KIF6: variants seen among roughly 807,000 people sequenced by gnomAD.
KIF6 encodes kinesin family member 6.
KIF6 carries 106 observed loss-of-function variants against 112.7 expected under a neutral mutation model. That is an observed-to-expected ratio of 0.94 (90% CI 0.80 to 1.11). The LOEUF (loss-of-function observed/expected upper bound fraction) is 1.11, where lower values mean the gene tolerates loss of function less well. Ranked by LOEUF, KIF6 falls within the 50% of genes least tolerant of loss-of-function variation. The pLI, the probability that KIF6 is intolerant of heterozygous loss-of-function variation, is 0.00. For synonymous variants in KIF6, 339 were observed against 339.9 expected (o/e 1.00, Z 0.03); for missense variants, 929 against 964.0 (o/e 0.96, Z 0.48).
Position 39,343,563 on chromosome 6 carries a change from GGGCACATGTGACT to G in KIF6, c.2428+133_2428+145del. The G allele has an allele frequency of 7.9e-7, 1 of 1,270,090 alleles. No homozygotes were observed. The highest frequency in any genetic ancestry group is 1.1e-6 in the Non-Finnish European group (1 of 924,288). The allele number at this position is 1,270,090 out of a possible 1,614,324, so 78.7% of individuals were successfully genotyped here. On this transcript the variant is annotated intron_variant, in intron 22 of 22. Coordinates refer to ENST00000287152, the MANE Select transcript of KIF6 (RefSeq NM_145027.6). This position sits in a 1 kb window ranked among gnomAD's most constrained non-coding sequence, Gnocchi z 4.1. The stretch of plus-strand genomic sequence containing the variant: ...CTTTCTCGAGAAGGAATCAGAGGCT[GGGCACATGTGACT>G]GACAGGCAGGCCAGTCCTGTGGCTT...
At position 39,609,487 on chromosome 6, in the gene KIF6, CA is replaced by C. The variant is rs1783088548; in HGVS notation, c.639+3701del. ...CACAGTATTCACTTCCTACAGCTGC[CA>C]GTACACAGTACAACAAACTGCTGAA... On this transcript the variant is annotated intron_variant, in intron 6 of 22. Transcript: ENST00000287152. Among the ~76,000 whole-genome samples the C allele has an allele frequency of 4.5e-4, 68 of 152,106 alleles. No homozygotes were observed. In the South Asian group the frequency reaches 0.013, roughly 29 times the overall value.
At chr6:39,483,192 T>C (rs1171032994) in intron 13 of KIF6, among the ~76,000 whole-genome samples, 4 of 152,236 alleles carry the variant, frequency 2.6e-5, no homozygotes, top group Non-Finnish European at 2.9e-5. Context: ...TGCTGATCTT[T>C]TGGGGAAAGG....
chr6:39,589,816 G>T (rs1582212477), intron 7 of KIF6, among the ~76,000 whole-genome samples: 1 of 152,192 alleles, frequency 6.6e-6, no homozygotes, highest in Non-Finnish European at 1.5e-5. Context: ...TGGTTGCTCT[G>T]TGTAGCAGCC....
intron 13 of KIF6, among the ~76,000 whole-genome samples, chr6:39,515,441 T>C (rs888964365): frequency 3.3e-5 from 5 of 152,222 alleles, no homozygotes; most frequent in African/African-American, 1.2e-4. Context: ...TTGCGTGCTG[T>C]TGTGGTCCAG....
At chr6:39,717,488 C>G (rs1789924990) in intron 2 of KIF6, among the ~76,000 whole-genome samples, 1 of 152,186 alleles carries the variant, frequency 6.6e-6, no homozygotes, top group Admixed American at 6.5e-5. Context: ...TTGCTGTACA[C>G]CTTCCCTGAC....
chr6:39,340,095 A>T (rs990001784), intron 22 of KIF6, among the ~76,000 whole-genome samples: 7 of 152,122 alleles, frequency 4.6e-5, no homozygotes, highest in African/African-American at 1.7e-4. Flanking sequence ...TGGGACCAGA[A>T]CCATCTGCTG....
chr6:39,629,793 A>T (rs1784268580), intron 5 of KIF6, among the ~76,000 whole-genome samples: 1 of 152,006 alleles, frequency 6.6e-6, no homozygotes, highest in Non-Finnish European at 1.5e-5. Flanking sequence ...CTCCTGTGTT[A>T]TCTTCTAGAA....
chr6:39,632,369 TA>T (rs1784401379), intron 5 of KIF6, among the ~76,000 whole-genome samples: 1 of 152,090 alleles, frequency 6.6e-6, no homozygotes, highest in Non-Finnish European at 1.5e-5. Flanking sequence ...ATAAAATGGG[TA>T]TATTGCCATT....
intron 5 of KIF6, among the ~76,000 whole-genome samples, chr6:39,618,716 T>A (rs1214860535): frequency 6.6e-6 from 1 of 152,200 alleles, no homozygotes; most frequent in Non-Finnish European, 1.5e-5. Flanking sequence ...TGATGTAGCA[T>A]CACAGCACAG....
chr6:39,546,824 TCA>T (rs1491226816), intron 10 of KIF6, among the ~76,000 whole-genome samples: 3 of 78,050 alleles, frequency 3.8e-5, no homozygotes, highest in African/African-American at 1.4e-4. Flanking sequence ...AGACCCTGTC[TCA>T]AAAAAAAAAA....
intron 3 of KIF6, among the ~76,000 whole-genome samples, chr6:39,667,721 T>C (rs1407188385): frequency 6.6e-6 from 1 of 152,188 alleles, no homozygotes; most frequent in African/African-American, 2.4e-5. Context: ...GTGAGTGTAA[T>C]TACTGAGATT....
chr6:39,723,533 A>G (rs889926455), intron 1 of KIF6, among the ~76,000 whole-genome samples: 3 of 152,192 alleles, frequency 2.0e-5, no homozygotes, highest in African/African-American at 7.2e-5. Context: ...AATGTGGTAC[A>G]TATATATACA....
chr6:39,555,550 G>A (rs1779656943), intron 10 of KIF6, among the ~76,000 whole-genome samples: 1 of 152,150 alleles, frequency 6.6e-6, no homozygotes, highest in African/African-American at 2.4e-5. Flanking sequence ...ACTCTGGGTG[G>A]CTCAGTCCCT....
intron 16 of KIF6, among the ~76,000 whole-genome samples, chr6:39,379,132 G>T (rs568607676): frequency 2.0e-5 from 3 of 152,322 alleles, no homozygotes; most frequent in East Asian, 3.9e-4. Flanking sequence ...ATTTTCTGCA[G>T]ATAAATTAGT....
At chr6:39,477,885 A>G (rs1242598378) in intron 13 of KIF6, among the ~76,000 whole-genome samples, 3 of 152,076 alleles carry the variant, frequency 2.0e-5, no homozygotes, top group Non-Finnish European at 4.4e-5. Context: ...ATAAAAATAA[A>G]AAATAAATTT....
chr6:39,712,383 T>C (rs954515558), intron 3 of KIF6, among the ~76,000 whole-genome samples: 12 of 152,002 alleles, frequency 7.9e-5, no homozygotes, highest in African/African-American at 2.9e-4. Flanking sequence ...ATATTTCTTA[T>C]TGATAAAAGA....
At chr6:39,471,541 T>G (rs145894156) in intron 13 of KIF6, among the ~76,000 whole-genome samples, 1 of 152,210 alleles carries the variant, frequency 6.6e-6, no homozygotes, top group African/African-American at 2.4e-5. Flanking sequence ...GCCACACCTC[T>G]TCAGCAAATG....
chr6:39,659,926 G>A (rs1018607165), intron 3 of KIF6, among the ~76,000 whole-genome samples: 1 of 152,126 alleles, frequency 6.6e-6, no homozygotes, highest in Non-Finnish European at 1.5e-5. Context: ...TCAAAGAAAT[G>A]GCTTAAATTT....
chr6:39,468,621 T>C (rs1773939903), intron 13 of KIF6, among the ~76,000 whole-genome samples: 1 of 152,132 alleles, frequency 6.6e-6, no homozygotes, highest in African/African-American at 2.4e-5. Context: ...TCAGTAAAAC[T>C]ATTCTTCAAA....
Sources: allele counts gnomAD v4.1 joint callset (sites outside exome capture counted in the v4.1 genomes callset), GRCh38; gene constraint gnomAD v4.1.1; non-coding constraint Gnocchi (gnomAD v3.1); transcripts MANE v1.5; gene names NCBI Gene and HGNC (gene_info 2026-07-23, HGNC 2026-07-21).